The following PDE1C variants were observed in gnomAD, a reference collection of about 807,000 sequenced individuals.
PDE1C encodes the protein dual specificity calcium/calmodulin-dependent 3',5'-cyclic nucleotide phosphodiesterase 1C.
A neutral mutation model predicts 93.1 loss-of-function variants in PDE1C; 62 were observed. The ratio of observed to expected loss-of-function variants is 0.67; its 90% confidence interval spans 0.54 to 0.82. The LOEUF (loss-of-function observed/expected upper bound fraction) is 0.82, where lower values mean the gene tolerates loss of function less well. Among genes scored for constraint, PDE1C ranks in the 40% least tolerant of loss-of-function variants. PDE1C has a pLI of 0.00. For missense variants in PDE1C, 742 were observed against 884.6 expected (o/e 0.84, Z 2.04); for synonymous variants, 325 against 310.1 (o/e 1.05, Z -0.50).
intron 1 of PDE1C, among the ~76,000 whole-genome samples, chr7:32,259,705 A>G (rs1810060681): frequency 6.6e-6 from 1 of 152,194 alleles, no homozygotes; most frequent in African/African-American, 2.4e-5. Context: ...AAATTCCTTG[A>G]GCTAACGTCA....
the PDE1C span, among the ~76,000 whole-genome samples, chr7:31,717,599 A>G: frequency 6.6e-6 from 1 of 152,228 alleles, no homozygotes; most frequent in South Asian, 2.1e-4. Context: ...CTAACCAATC[A>G]GGCTAGAGGA....
At chr7:32,354,798 A>T (rs1312139065) in intron 1 of PDE1C, among the ~76,000 whole-genome samples, 1 of 152,192 alleles carries the variant, frequency 6.6e-6, no homozygotes, top group East Asian at 1.9e-4. Context: ...CTTCCAGACA[A>T]TTATCAGCAT....
chr7:31,859,399 G>C (rs1319295186), intron 7 of PDE1C, among the ~76,000 whole-genome samples: 3 of 147,440 alleles, frequency 2.0e-5, no homozygotes, highest in Non-Finnish European at 4.5e-5. Context: ...GTACAGTAAT[G>C]GCACAATATC....
upstream of PDE1C, chr7:32,070,461 G>A: frequency 1.3e-6 from 2 of 1,585,084 alleles, no homozygotes; most frequent in Non-Finnish European, 8.6e-7. Context: ...CCGTCTCCTC[G>A]CCCAGCTCGC....
rs55999814 is a variant in PDE1C at position 31,907,070 on chromosome 7, G to GGTGTGTGTGTGT, written c.129-26222_129-26211dup. On this transcript the variant is annotated intron_variant, in intron 2 of 17. Coordinates refer to ENST00000396191, the MANE Select transcript of PDE1C (RefSeq NM_001191057.4). ...GAGCCAACCATTTCTTGATATGTGG[G>GGTGTGTGTGTGT]GTGTGTGTGTGTGTGTGTGTGTGTG... is the stretch of plus-strand genomic sequence containing the variant. 7.7e-3 allele frequency among the ~76,000 whole-genome samples: 1,112 copies of GGTGTGTGTGTGT among 145,300 alleles called. 8 individuals are homozygous for GGTGTGTGTGTGT. Among genetic ancestry groups the GGTGTGTGTGTGT allele is most frequent in the Middle Eastern group, 0.011 (3 of 276 alleles).
chr7:32,358,119 T>A (rs1585123926), intron 1 of PDE1C, among the ~76,000 whole-genome samples: 1 of 152,314 alleles, frequency 6.6e-6, no homozygotes, highest in African/African-American at 2.4e-5. Flanking sequence ...TATGTTTGGC[T>A]TTCTGTTTTC....
rs564824301 is a variant in PDE1C at position 32,001,783 on chromosome 7, G to C, written c.128+49771C>G. On this transcript the variant is annotated intron_variant, in intron 2 of 17. Transcript: ENST00000396191. ...CATCAGCAAGCATTAAAACACAATA[G>C]GTCTGGCTGGGCACACCTGTAATCC... Among the ~76,000 whole-genome samples, 5 of 152,292 alleles carry C rather than the reference G, an allele frequency of 3.3e-5. No homozygotes were observed. The South Asian group carries it at 1.0e-3, about 32-fold the overall frequency.
At chr7:31,685,801 C>T in the PDE1C span, among the ~76,000 whole-genome samples, 1 of 152,174 alleles carries the variant, frequency 6.6e-6, no homozygotes, top group Non-Finnish European at 1.5e-5. Flanking sequence ...CATCTAGGGC[C>T]TTCCCTTCCT....
intron 1 of PDE1C, among the ~76,000 whole-genome samples, chr7:32,287,159 T>C (rs1197007866): frequency 6.6e-6 from 1 of 152,218 alleles, no homozygotes. Context: ...TGTGTGTTTA[T>C]AAACAGAAAT....
At chr7:32,152,024 T>C (rs1801290958) in intron 3 of PDE1C, among the ~76,000 whole-genome samples, 1 of 152,228 alleles carries the variant, frequency 6.6e-6, no homozygotes, top group Non-Finnish European at 1.5e-5. Context: ...ATTGATTTAC[T>C]TCTCTATTTC....
At position 32,070,305 on chromosome 7, in the gene PDE1C, C is replaced by T. The variant is rs766457335; in HGVS notation, c.89G>A (p.Arg30Gln). The change falls in exon 1 of 18, where the codon CGG (arginine) becomes CAG (glutamine). Residue 30 changes from arginine to glutamine, a missense_variant. Transcript: ENST00000396191. ...TAGGTATACTTACAGCCCGCGGAGC[C>T]GAAGCCAGATTTTCTCGATCTGTTC... is the stretch of plus-strand genomic sequence containing the variant. ...QPEQIEKIWLRLRGLRKYKKT... is the reference protein window; with the variant it reads ...QPEQIEKIWLQLRGLRKYKKT... The T allele has an allele frequency of 1.2e-6, 2 of 1,614,170 alleles. No individual in the cohort carries two copies. The highest frequency in any genetic ancestry group is 1.7e-6 in the Non-Finnish European group (2 of 1,180,038).
intron 1 of PDE1C, among the ~76,000 whole-genome samples, chr7:32,311,911 T>C (rs1161536676): frequency 3.9e-5 from 6 of 151,930 alleles, no homozygotes; most frequent in South Asian, 4.2e-4. Flanking sequence ...CCAGGGCAAT[T>C]AGGCAGGAGA....
At chr7:31,941,935 T>C (rs1805909488) in intron 2 of PDE1C, among the ~76,000 whole-genome samples, 1 of 152,184 alleles carries the variant, frequency 6.6e-6, no homozygotes, top group South Asian at 2.1e-4. Flanking sequence ...TTTGATTCAA[T>C]TATACAATAA....
chr7:32,198,457 G>A (rs1343049172), intron 2 of PDE1C, among the ~76,000 whole-genome samples: 1 of 152,178 alleles, frequency 6.6e-6, no homozygotes, highest in African/African-American at 2.4e-5. Context: ...ATCAGAGATA[G>A]AAGTTTATAT....
At chr7:31,628,158 A>G in the PDE1C span, among the ~76,000 whole-genome samples, 2 of 152,206 alleles carry the variant, frequency 1.3e-5, no homozygotes, top group Admixed American at 1.3e-4. Context: ...CCATTTTCAA[A>G]AAGTGCCCTG....
chr7:32,162,913 T>C (rs531440829), intron 3 of PDE1C, among the ~76,000 whole-genome samples: 1 of 152,194 alleles, frequency 6.6e-6, no homozygotes, highest in African/African-American at 2.4e-5. Flanking sequence ...CATATATACT[T>C]GGTCATTTTT....
chr7:31,959,862 G>A (rs1301446451), intron 2 of PDE1C, among the ~76,000 whole-genome samples: 2 of 151,440 alleles, frequency 1.3e-5, no homozygotes, highest in African/African-American at 2.4e-5. Flanking sequence ...TGTAATTTTC[G>A]ACTTGCTAAT....
intron 1 of PDE1C, among the ~76,000 whole-genome samples, chr7:32,414,272 T>C (rs1186812337): frequency 6.6e-6 from 1 of 151,174 alleles, no homozygotes; most frequent in Admixed American, 6.6e-5. Context: ...GGGTAAATTA[T>C]ACTACCTACA....
chr7:32,420,169 GTA>G (rs1390755319), intron 1 of PDE1C, among the ~76,000 whole-genome samples: 1 of 30,296 alleles, frequency 3.3e-5, no homozygotes, highest in Non-Finnish European at 6.3e-5. Context: ...ATATATATGT[GTA>G]TATATATACA....
Sources: gnomAD v4.1 joint callset for allele counts (sites outside exome capture counted in the v4.1 genomes callset) on GRCh38, gnomAD v4.1.1 for gene constraint, MANE v1.5 for transcripts, NCBI Gene and HGNC (gene_info 2026-07-23, HGNC 2026-07-21) for gene names.